The following PIEZO2 variants were observed in gnomAD, a reference collection of about 807,000 sequenced individuals.
PIEZO2 encodes the protein piezo type mechanosensitive ion channel component 2, also known as piezo-type mechanosensitive ion channel component 2.
A neutral mutation model predicts 337.3 loss-of-function variants in PIEZO2; 172 were observed. The ratio of observed to expected loss-of-function variants is 0.51; its 90% CI spans 0.45 to 0.58. The LOEUF (loss-of-function observed/expected upper bound fraction) is 0.58. Ranked by LOEUF, PIEZO2 falls within the 20% of genes least tolerant of loss-of-function variation. The pLI, the probability that PIEZO2 is intolerant of heterozygous loss-of-function variation, is 0.00. For synonymous variants in PIEZO2, 1,251 were observed against 1,228.5 expected (o/e 1.02, Z -0.38); for missense variants, 3,028 against 3,391.3 (o/e 0.89, Z 2.66).
intron 2 of PIEZO2, among the ~76,000 whole-genome samples, chr18:11,050,207 T>C (rs529974273): frequency 4.4e-4 from 67 of 152,144 alleles, no homozygotes; most frequent in Non-Finnish European, 7.9e-4. Flanking sequence ...GGTGGTGAGC[T>C]GATATTGATA....
intron 2 of PIEZO2, among the ~76,000 whole-genome samples, chr18:11,036,644 C>A (rs1022736327): frequency 2.0e-5 from 3 of 151,784 alleles, no homozygotes; most frequent in African/African-American, 7.3e-5. Flanking sequence ...CAGACTTTTG[C>A]AGGCACTGAA....
At chr18:10,994,400 CTTTTTTTT>C (rs71169965) in intron 2 of PIEZO2, among the ~76,000 whole-genome samples, 1 of 143,282 alleles carries the variant, frequency 7.0e-6, no homozygotes, top group Non-Finnish European at 1.5e-5. Flanking sequence ...TTTGTTCTTT[CTTTTTTTT>C]TTTTTTTTTG....
intron 8 of PIEZO2, among the ~76,000 whole-genome samples, chr18:10,805,858 C>G (rs1405537071): frequency 6.6e-6 from 1 of 152,226 alleles, no homozygotes; most frequent in African/African-American, 2.4e-5. Context: ...GAAGACAGCA[C>G]CATCCTCATT....
At chr18:10,755,973 A>G (rs536123802) in intron 27 of PIEZO2, among the ~76,000 whole-genome samples, 18 of 144,914 alleles carry the variant, frequency 1.2e-4, no homozygotes, top group Admixed American at 1.2e-3. Context: ...CTAGGGGATG[A>G]GGAGGAAAGA....
intron 34 of PIEZO2, among the ~76,000 whole-genome samples, chr18:10,735,546 T>C (rs955242469): frequency 2.0e-5 from 3 of 152,158 alleles, no homozygotes; most frequent in Non-Finnish European, 4.4e-5. Flanking sequence ...GTGAAGATGT[T>C]CATGTTCTCT....
In PIEZO2 at chr18:10,726,317, G is replaced by T; in HGVS notation, c.5029+5090C>A. On this transcript the variant is annotated intron_variant, in intron 36 of 55. Coordinates refer to ENST00000674853, the MANE Select transcript of PIEZO2 (RefSeq NM_001378183.1). This position sits in a 1 kb window ranked among gnomAD's most constrained non-coding sequence, Gnocchi z 5.9. ...AGAGCCCCGGCCAGGTGGAGCAGGT[G>T]GGTCCCCGAACGCCCCGCCCAGCGC... 7.8e-7 allele frequency: 1 copy of T among 1,274,636 alleles called. No individual in the cohort carries two copies. Among genetic ancestry groups the T allele is most frequent in the Non-Finnish European group, 1.1e-6 (1 of 926,224 alleles). The allele number at this position is 1,274,636 out of a possible 1,614,324, so 79.0% of individuals were successfully genotyped here. A position where few individuals can be genotyped will look rare whatever the true frequency, so the allele number is the denominator to read the frequency against.
Position 10,748,533 on chromosome 18 carries a change from G to A in PIEZO2, c.4362C>T (p.Phe1454=). ...CAACATGTAGAAAATAATAACTCAT[G>A]AAAACTCTTCTTTGCAGCAGGAGGA... ...FAFLLLQRRV[F]MSYYFLHVVA... is the part of the protein sequence containing the mutation. Residue 1454 remains phenylalanine, a synonymous_variant, in exon 30 of 56, where the codon TTC becomes TTT. Transcript: ENST00000674853. The surrounding 1 kb of genome is among the most constrained non-coding windows in gnomAD (Gnocchi z 5.1). 1 of 1,536,774 alleles carries A rather than the reference G, an allele frequency of 6.5e-7. No individual in the cohort carries two copies. Among genetic ancestry groups the A allele is most frequent in the Non-Finnish European group, 8.7e-7 (1 of 1,146,788 alleles).
Position 10,759,577 on chromosome 18 carries a change from G to A in PIEZO2, c.3662C>T (p.Pro1221Leu), listed in dbSNP as rs944241749. The A allele has an allele frequency of 1.5e-5, 23 of 1,537,194 alleles. No homozygotes were observed. The highest frequency in any genetic ancestry group is 2.0e-5 in the Admixed American group (1 of 50,974). Residue 1221 changes from proline (P) to leucine (L), a missense_variant, in exon 26 of 56, where the codon CCG (proline) becomes CTG (leucine). By Grantham distance (98) the Pro-to-Leu change is moderately conservative (BLOSUM62 -3). Transcript: ENST00000674853. The surrounding 1 kb of genome is among the most constrained non-coding windows in gnomAD (Gnocchi z 5.5). ...GIPPAPCRDY[P>L]WRFKGASFND... ...GAAGCTGGCACCCTTGAATCTCCAC[G>A]GGTAATCTGCAGGGAGGGAAGTGGC...
rs1177460034 is a variant in PIEZO2 at position 11,149,554 on chromosome 18, C to T, written c.-966G>A. On this transcript the variant is annotated 5_prime_UTR_variant, in exon 1 of 56. Coordinates refer to ENST00000674853, the MANE Select transcript of PIEZO2 (RefSeq NM_001378183.1). The surrounding 1 kb of genome is among the most constrained non-coding windows in gnomAD (Gnocchi z 8.7). ...AGCCGGGGCTCCCCGGCGGCGCGCG[C>T]TTCTCCACCTTCAATGAAACTTTCG... is the stretch of plus-strand genomic sequence containing the variant. Among the ~76,000 whole-genome samples the T allele has an allele frequency of 6.6e-6, 1 of 152,026 alleles. No homozygotes were observed. The highest frequency in any genetic ancestry group is 1.5e-5 in the Non-Finnish European group (1 of 67,964).
intron 36 of PIEZO2, 121 bp from the exon 37 acceptor site, chr18:10,718,380 T>C: frequency 1.3e-6 from 1 of 797,388 alleles, no homozygotes. Context: ...ATTTCAAGAG[T>C]TCCTTGGGGA....
At chr18:10,885,348 C>T (rs182537033) in intron 4 of PIEZO2, among the ~76,000 whole-genome samples, 2 of 152,036 alleles carry the variant, frequency 1.3e-5, no homozygotes, top group Admixed American at 6.6e-5. Flanking sequence ...GGCATGAACC[C>T]GGGAGGTGGA....
In PIEZO2 at chr18:10,821,595, CT is replaced by C. The variant is rs1407881644; in HGVS notation, c.918-14322del. Among the ~76,000 whole-genome samples, 3 of 152,188 alleles carry C rather than the reference CT, an allele frequency of 2.0e-5. No individual in the cohort carries two copies. The highest frequency in any genetic ancestry group is 7.2e-5 in the African/African-American group (3 of 41,444). ...AATTACATCTTGCCTTATTTTCTCT[CT>C]TCTTACCTCATTTCAGATACAACCT... On this transcript the variant is annotated intron_variant, in intron 7 of 55. Coordinates refer to ENST00000674853, the MANE Select transcript of PIEZO2 (RefSeq NM_001378183.1). This position sits in a 1 kb window ranked among gnomAD's most constrained non-coding sequence, Gnocchi z 4.2.
Position 10,715,749 on chromosome 18 carries a change from G to T in PIEZO2, c.5157C>A (p.Asp1719Glu). Residue 1719 changes from aspartate (D) to glutamate (E), a missense_variant, in exon 38 of 56, where the codon GAC (aspartate) becomes GAA (glutamate). Physicochemically the swap from Asp to Glu is conservative, Grantham distance 45. Coordinates refer to ENST00000674853, the MANE Select transcript of PIEZO2 (RefSeq NM_001378183.1). ...FTWVLFLATV[D>E]SFTTWLNSIS... ...TGGAGTTAAGCCAAGTAGTGAAACTGTCCACTGTTGCCAGAAATAGGACCC... is the reference window on the plus strand; with the variant it reads ...TGGAGTTAAGCCAAGTAGTGAAACTTTCCACTGTTGCCAGAAATAGGACCC... 6.5e-7 allele frequency: 1 copy of T among 1,535,138 alleles called. No homozygotes were observed. Among genetic ancestry groups the T allele is most frequent in the South Asian group, 1.2e-5 (1 of 83,924 alleles).
At position 10,830,146 on chromosome 18, in the gene PIEZO2, CA is replaced by C. The variant is rs2040802090; in HGVS notation, c.918-22873del. 2.0e-5 allele frequency among the ~76,000 whole-genome samples: 3 copies of C among 152,248 alleles called. No homozygotes were observed. The highest frequency in any genetic ancestry group is 4.8e-5 in the African/African-American group (2 of 41,566). On this transcript the variant is annotated intron_variant, in intron 7 of 55. Coordinates refer to ENST00000674853, the MANE Select transcript of PIEZO2 (RefSeq NM_001378183.1). This position sits in a 1 kb window ranked among gnomAD's most constrained non-coding sequence, Gnocchi z 4.7. The stretch of plus-strand genomic sequence containing the variant: ...GGGAAGCCAGTAATTCATACATCTA[CA>C]GTGAACTTGCTTTTGACAAAGGTGC...
At chr18:10,798,412 G>A (rs964658495) in intron 11 of PIEZO2, among the ~76,000 whole-genome samples, 12 of 152,310 alleles carry the variant, frequency 7.9e-5, no homozygotes, top group South Asian at 2.1e-4. Flanking sequence ...GCAATGAGAC[G>A]ATGGTGTGTC....
At chr18:10,970,827 T>C (rs559449095) in intron 3 of PIEZO2, among the ~76,000 whole-genome samples, 4 of 152,146 alleles carry the variant, frequency 2.6e-5, no homozygotes, top group South Asian at 2.1e-4. Context: ...AAAGGTGATA[T>C]AAGGTAGGGA....
chr18:10,797,602 G>A (rs1049054475), intron 11 of PIEZO2, 80 bp from the exon 12 acceptor site: 31 of 1,499,296 alleles, frequency 2.1e-5, no homozygotes, highest in African/African-American at 1.1e-4. Flanking sequence ...TGCAGCACAT[G>A]TATGGTTTTG....
rs554532882 is a variant in PIEZO2, at chr18:10,749,282, A to C, written c.4265-652T>G. ...CAAGACCAACCTGGGCAACATCTCTACAAAAAATTAAAAAATTAGCCAGGC... is the reference window on the plus strand; with the variant it reads ...CAAGACCAACCTGGGCAACATCTCTCCAAAAAATTAAAAAATTAGCCAGGC... On this transcript the variant is annotated intron_variant, in intron 29 of 55. Transcript: ENST00000674853. 2.1e-3 allele frequency among the ~76,000 whole-genome samples: 323 copies of C among 152,202 alleles called. 2 individuals carry two copies. Among genetic ancestry groups the C allele is most frequent in the African/African-American group, 7.4e-3 (306 of 41,526 alleles).
chr18:10,774,122 G>A, intron 18 of PIEZO2, 84 bp from the exon 19 acceptor site: 1 of 694,370 alleles, frequency 1.4e-6, no homozygotes, highest in South Asian at 1.5e-5. Flanking sequence ...CACATATCAT[G>A]CTACATATCA....
Sources: allele counts gnomAD v4.1 joint callset (sites outside exome capture counted in the v4.1 genomes callset), GRCh38; gene constraint gnomAD v4.1.1; non-coding constraint Gnocchi (gnomAD v3.1); transcripts MANE v1.5; gene names NCBI Gene and HGNC (gene_info 2026-07-23, HGNC 2026-07-21).